TRMT9B: variants seen among roughly 807,000 people sequenced by gnomAD.
TRMT9B encodes probable tRNA methyltransferase 9B.
In TRMT9B, 16 loss-of-function variants were observed where a neutral mutation model predicts 11.5. The observed-to-expected ratio is 1.39, with a 90% confidence interval of 0.94 to 2.11. The LOEUF (loss-of-function observed/expected upper bound fraction) is 2.11. TRMT9B is among the 30% of genes most tolerant of loss of function. The pLI is 0.00. For missense variants in TRMT9B, 941 were observed against 553.8 expected, an observed-to-expected ratio of 1.70 and a Z score of -7.02; for synonymous variants, 274 against 192.4, an observed-to-expected ratio of 1.42 and a Z score of -3.51.
chr8:12,997,561 C>T (rs559115777), intron 2 of TRMT9B, among the ~76,000 whole-genome samples: 1 of 152,232 alleles, frequency 6.6e-6, no homozygotes, highest in South Asian at 2.1e-4. Context: ...CATATTGTTG[C>T]ATATGGTTGC....
intron 1 of TRMT9B, among the ~76,000 whole-genome samples, chr8:12,989,940 A>T (rs1271889477): frequency 6.6e-6 from 1 of 152,226 alleles, no homozygotes; most frequent in Non-Finnish European, 1.5e-5. Context: ...AGTTCTGAAG[A>T]CTAGAGAGAA....
chr8:13,019,034 A>G (rs1813326900), intron 4 of TRMT9B, among the ~76,000 whole-genome samples: 1 of 152,200 alleles, frequency 6.6e-6, no homozygotes, highest in Non-Finnish European at 1.5e-5. Flanking sequence ...TTGCACTGAG[A>G]GGCTCAAGTT....
chr8:12,994,298 C>G (rs1451224199), intron 2 of TRMT9B, among the ~76,000 whole-genome samples: 4 of 152,176 alleles, frequency 2.6e-5, no homozygotes. Flanking sequence ...TCACTGCTAC[C>G]TCTGATGGAC....
intron 1 of TRMT9B, chr8:12,952,234 G>A: frequency 2.3e-6 from 1 of 441,942 alleles, no homozygotes; most frequent in Non-Finnish European, 4.6e-6. Context: ...TCTGCATAGG[G>A]GAGCGGAGAG....
At chr8:12,999,272 C>T (rs1276975034) in intron 2 of TRMT9B, among the ~76,000 whole-genome samples, 1 of 139,462 alleles carries the variant, frequency 7.2e-6, no homozygotes, top group East Asian at 2.1e-4. Flanking sequence ...GCACTCCAGC[C>T]TGGGTGACAG....
intron 3 of TRMT9B, 106 bp from the exon 4 acceptor site, chr8:13,012,578 A>G: frequency 8.0e-7 from 1 of 1,254,864 alleles, no homozygotes; most frequent in Non-Finnish European, 1.1e-6. Context: ...CTGTCTCAAA[A>G]TAAATAAATA....
At chr8:12,946,720 G>A (rs945096640) in intron 1 of TRMT9B, among the ~76,000 whole-genome samples, 1 of 152,190 alleles carries the variant, frequency 6.6e-6, no homozygotes, top group African/African-American at 2.4e-5. Flanking sequence ...AGAGAGAAAA[G>A]CAGAGGACCA....
intron 3 of TRMT9B, chr8:13,010,704 A>C (rs1230002490): frequency 1.0e-6 from 1 of 984,922 alleles, no homozygotes; most frequent in Non-Finnish European, 1.2e-6. Context: ...TCATTGAAGT[A>C]ACTTTCCCTT....
chr8:13,000,001 T>C (rs1182326827), intron 2 of TRMT9B, among the ~76,000 whole-genome samples: 1 of 152,236 alleles, frequency 6.6e-6, no homozygotes. Context: ...TACTTTTCAC[T>C]TTTTCATGAT....
intron 2 of TRMT9B, among the ~76,000 whole-genome samples, chr8:12,994,586 A>G (rs1216739156): frequency 6.6e-6 from 1 of 152,244 alleles, no homozygotes; most frequent in Admixed American, 6.5e-5. Flanking sequence ...AAAGCAGGCT[A>G]AGAGGACCTT....
In TRMT9B at chr8:13,008,797, C is replaced by T. The variant is rs183213321; in HGVS notation, c.154+2441C>T. Among the ~76,000 whole-genome samples, 116 of 152,280 alleles carry T rather than the reference C, an allele frequency of 7.6e-4. 2 individuals are homozygous for T. Among genetic ancestry groups the T allele is most frequent in the African/African-American group, 2.6e-3 (107 of 41,558 alleles). Reference sequence around the variant, plus strand: ...AGGCTGGAGTGCAGGGGCGCCATCTCGGCTCACTGCAAGCTCCGCCTCCCG... The same window carrying T: ...AGGCTGGAGTGCAGGGGCGCCATCTTGGCTCACTGCAAGCTCCGCCTCCCG... On this transcript the variant is annotated intron_variant, in intron 3 of 4. Coordinates refer to ENST00000524591, the MANE Select transcript of TRMT9B (RefSeq NM_020844.3).
chr8:13,017,983 T>G (rs1813063451), intron 4 of TRMT9B, among the ~76,000 whole-genome samples: 1 of 150,242 alleles, frequency 6.7e-6, no homozygotes, highest in East Asian at 2.0e-4. Context: ...ACTTTAAGTA[T>G]AAATATAAAA....
intron 3 of TRMT9B, chr8:13,011,123 A>G (rs1811528085): frequency 9.4e-6 from 3 of 320,598 alleles, no homozygotes; most frequent in Non-Finnish European, 1.3e-5. Context: ...AGTAACTGGG[A>G]TTACAGGTAC....
chr8:12,975,601 G>A (rs1804326648), intron 1 of TRMT9B, among the ~76,000 whole-genome samples: 2 of 152,090 alleles, frequency 1.3e-5, no homozygotes, highest in Admixed American at 1.3e-4. Context: ...AGCTGGGTAT[G>A]GTGGCATGTG....
intron 4 of TRMT9B, among the ~76,000 whole-genome samples, chr8:13,017,811 A>G (rs570085671): frequency 1.3e-5 from 2 of 150,876 alleles, no homozygotes; most frequent in Non-Finnish European, 3.0e-5. Context: ...TTTGGTAGAG[A>G]TGGGGTTTCA....
chr8:12,976,183 C>T (rs976459470), intron 1 of TRMT9B, among the ~76,000 whole-genome samples: 3 of 152,144 alleles, frequency 2.0e-5, no homozygotes, highest in African/African-American at 4.8e-5. Context: ...CTGCCACCCT[C>T]GGCACCTGCC....
intron 1 of TRMT9B, among the ~76,000 whole-genome samples, chr8:12,972,459 C>G (rs1016345028): frequency 6.6e-6 from 1 of 152,156 alleles, no homozygotes; most frequent in Admixed American, 6.5e-5. Context: ...TGGAAACTAA[C>G]CGACTCCTAT....
At chr8:12,953,658 A>G (rs1800932463) in intron 1 of TRMT9B, among the ~76,000 whole-genome samples, 1 of 152,216 alleles carries the variant, frequency 6.6e-6, no homozygotes, top group Admixed American at 6.5e-5. Flanking sequence ...AGTTTGGGGA[A>G]GGGAGAGTTA....
chr8:12,987,600 G>A (rs889853311), intron 1 of TRMT9B, among the ~76,000 whole-genome samples: 5 of 152,214 alleles, frequency 3.3e-5, no homozygotes, highest in Middle Eastern at 6.8e-3. Flanking sequence ...GCTGAAGCAG[G>A]AGGATCATTT....
Sources: allele counts gnomAD v4.1 joint callset (sites outside exome capture counted in the v4.1 genomes callset), GRCh38; gene constraint gnomAD v4.1.1; transcripts MANE v1.5; gene names NCBI Gene and HGNC (gene_info 2026-07-23, HGNC 2026-07-21).